The following BBS2 variants were observed in gnomAD, a reference collection of about 807,000 sequenced individuals.
BBS2 encodes BBSome complex member BBS2.
In BBS2, 62 loss-of-function variants were observed where a neutral mutation model predicts 83.0. That is an observed-to-expected ratio of 0.75 (90% CI 0.61 to 0.92). BBS2 has a LOEUF of 0.92. BBS2 is among the 40% of genes least tolerant of loss of function. BBS2 has a pLI of 0.00. For missense variants in BBS2, 784 were observed against 901.0 expected (o/e 0.87, Z 1.66); for synonymous variants, 303 against 326.1 (o/e 0.93, Z 0.76).
At chr16:56,494,223 A>G (rs1964047049) in intron 15 of BBS2, among the ~76,000 whole-genome samples, 1 of 148,892 alleles carries the variant, frequency 6.7e-6, no homozygotes, top group Admixed American at 6.8e-5. Flanking sequence ...CCACCTCAGC[A>G]TCGCAAAGTG....
chr16:56,515,368 G>T (rs1964704496), intron 1 of BBS2, among the ~76,000 whole-genome samples: 1 of 152,158 alleles, frequency 6.6e-6, no homozygotes, highest in African/African-American at 2.4e-5. Context: ...TCTTAAGAGG[G>T]GCGAGATCAC....
intron 1 of BBS2, among the ~76,000 whole-genome samples, chr16:56,516,676 G>C (rs1382254713): frequency 6.6e-6 from 1 of 152,082 alleles, no homozygotes; most frequent in Non-Finnish European, 1.5e-5. Context: ...TGCAGGTGTT[G>C]AGCCACCATG....
chr16:56,501,247 T>C, intron 10 of BBS2, 106 bp downstream of exon 10: 2 of 1,485,058 alleles, frequency 1.3e-6, no homozygotes. Flanking sequence ...GAGGCAGAGC[T>C]TGCAGTGAGC....
chr16:56,497,133 C>T, intron 14 of BBS2, 54 bp from the exon 15 acceptor site: 1 of 1,156,496 alleles, frequency 8.6e-7, no homozygotes. Flanking sequence ...TTCTTGAACC[C>T]AGACAAATGA....
rs748721721 is a variant in BBS2 at position 56,499,858 on chromosome 16, T to C, written c.1447A>G (p.Met483Val). The change falls in exon 12 of 17, where the codon ATG (methionine) becomes GTG (valine). Residue 483 changes from methionine to valine, a missense_variant. Physicochemically the swap from Met to Val is conservative, Grantham distance 21. Coordinates refer to ENST00000245157, the MANE Select transcript of BBS2 (RefSeq NM_031885.5). The stretch of plus-strand genomic sequence containing the variant: ...GGGTCCAGGCTGGTCAGCGCATACA[T>C]GGAGAATCGAGGGAGCTGTCTTGTC... ...ESTRQLPRFS[M>V]YALTSLDPAS... is the part of the protein sequence containing the mutation. The C allele has an allele frequency of 3.7e-6, 6 of 1,613,806 alleles. No homozygotes were observed. Among genetic ancestry groups the C allele is most frequent in the South Asian group, 2.2e-5 (2 of 91,074 alleles).
At chr16:56,474,205 G>A (rs1456322048) in intron 17 of BBS2, among the ~76,000 whole-genome samples, 1 of 151,710 alleles carries the variant, frequency 6.6e-6, no homozygotes, top group East Asian at 1.9e-4. Flanking sequence ...AACATGCTGA[G>A]AAATCTCTTA....
intron 12 of BBS2, 184 bp downstream of exon 12, chr16:56,499,594 G>T (rs1461085119): frequency 1.5e-6 from 1 of 679,634 alleles, no homozygotes; most frequent in Non-Finnish European, 2.5e-6. Context: ...TTTTCAAAGT[G>T]AGAGAAGGTA....
At chr16:56,514,348 G>T in intron 2 of BBS2, 105 bp downstream of exon 2, 2 of 1,056,404 alleles carry the variant, frequency 1.9e-6, no homozygotes, top group Non-Finnish European at 2.9e-6. Flanking sequence ...TACTATAACA[G>T]TCATACAACA....
intron 17 of BBS2, chr16:56,475,079 A>C: frequency 6.0e-4 from 556 of 921,066 alleles, no homozygotes; most frequent in Non-Finnish European, 8.3e-4. Context: ...ATGGGATCTC[A>C]AAGTCAAAGG....
At chr16:56,494,197 G>C (rs962864371) in intron 15 of BBS2, among the ~76,000 whole-genome samples, 2 of 148,628 alleles carry the variant, frequency 1.3e-5, no homozygotes, top group Non-Finnish European at 3.0e-5. Context: ...CGAATCCCTG[G>C]GCTCATGTGA....
At chr16:56,492,042 T>G (rs112112984) in intron 15 of BBS2, among the ~76,000 whole-genome samples, 1 of 150,972 alleles carries the variant, frequency 6.6e-6, no homozygotes, top group East Asian at 1.9e-4. Flanking sequence ...AAATTTAAAT[T>G]TTTAATGATT....
intron 7 of BBS2, among the ~76,000 whole-genome samples, chr16:56,505,273 G>A (rs539185118): frequency 5.9e-5 from 9 of 152,158 alleles, no homozygotes; most frequent in Non-Finnish European, 1.2e-4. Context: ...CGTTCTTCAC[G>A]TAACACCAAA....
intron 1 of BBS2, among the ~76,000 whole-genome samples, chr16:56,517,340 A>C (rs1964779154): frequency 6.6e-6 from 1 of 152,118 alleles, no homozygotes; most frequent in Non-Finnish European, 1.5e-5. Flanking sequence ...GACCACCCTC[A>C]TTGCCTTCCA....
rs759783261 is a variant in BBS2, at chr16:56,500,928, G to A, written c.1323C>T (p.Ile441=). The A allele has an allele frequency of 1.2e-6, 2 of 1,614,180 alleles. No individual in the cohort carries two copies. Among genetic ancestry groups the A allele is most frequent in the Admixed American group, 3.3e-5 (2 of 60,024 alleles). The change falls in exon 11 of 17, where the codon ATC becomes ATT. Residue 441 remains isoleucine (I), a synonymous_variant. Transcript: ENST00000245157. ...CTTTGGGAGGCACAATAGGGATGCA[G>A]ATGGAACTGGAGAGGTTGTGAATGC... ...HPSIHNLSSS[I]CIPIVPPKDV...
chr16:56,489,869 A>C (rs1963888968), intron 15 of BBS2, among the ~76,000 whole-genome samples: 1 of 152,094 alleles, frequency 6.6e-6, no homozygotes, highest in African/African-American at 2.4e-5. Context: ...CACGCCTGAA[A>C]TCCCAGCATT....
chr16:56,515,363 A>T (rs1293406389), intron 1 of BBS2, among the ~76,000 whole-genome samples: 1 of 152,260 alleles, frequency 6.6e-6, no homozygotes, highest in Non-Finnish European at 1.5e-5. Context: ...TGCAGTCTTA[A>T]GAGGGGCGAG....
At chr16:56,517,858 C>T (rs1185550739) in intron 1 of BBS2, among the ~76,000 whole-genome samples, 13 of 148,918 alleles carry the variant, frequency 8.7e-5, no homozygotes, top group Non-Finnish European at 1.8e-4. Flanking sequence ...CTCACTCTGT[C>T]GCCCAGGCTG....
chr16:56,475,976 T>C (rs1963452723), intron 17 of BBS2: 2 of 1,395,478 alleles, frequency 1.4e-6, no homozygotes, highest in Admixed American at 2.0e-5. Flanking sequence ...ATCTGTTCCA[T>C]GGTTAATCAT....
intron 17 of BBS2, chr16:56,474,810 CTTTT>C (rs746791513): frequency 5.8e-6 from 7 of 1,213,580 alleles, no homozygotes; most frequent in Non-Finnish European, 7.9e-6. Flanking sequence ...AGTTTCTCAT[CTTTT>C]TTTTTTTCCT....
Sources: allele counts gnomAD v4.1 joint callset (sites outside exome capture counted in the v4.1 genomes callset), GRCh38; gene constraint gnomAD v4.1.1; transcripts MANE v1.5; gene names NCBI Gene and HGNC (gene_info 2026-07-23, HGNC 2026-07-21).